Variants in ADGB observed in about 807,000 individuals in gnomAD.
ADGB encodes calpain-7-like protein.
A neutral mutation model predicts 210.5 loss-of-function variants in ADGB; 172 were observed. The observed-to-expected ratio is 0.82, with a 90% CI of 0.72 to 0.93. ADGB has a LOEUF of 0.93. Among genes scored for constraint, ADGB ranks in the 40% least tolerant of loss-of-function variants. The pLI is 0.00. For synonymous variants in ADGB, 658 were observed against 662.7 expected, an observed-to-expected ratio of 0.99 and a Z score of 0.11; for missense variants, 2,025 against 1,964.8, an observed-to-expected ratio of 1.03 and a Z score of -0.58.
chr6:146,688,835 G>A (rs941585532), intron 10 of ADGB, among the ~76,000 whole-genome samples: 2 of 152,126 alleles, frequency 1.3e-5, no homozygotes, highest in African/African-American at 4.8e-5. Flanking sequence ...ATGAAATTTT[G>A]TTAAATGGAG....
intron 29 of ADGB, chr6:146,770,300 T>C (rs1777631727): frequency 5.6e-6 from 1 of 179,440 alleles, no homozygotes; most frequent in Non-Finnish European, 1.2e-5. Context: ...AAAACTGTTA[T>C]TGCCAGGCTT....
rs765056786 is a variant in ADGB at position 146,702,044 on chromosome 6, G to GA, written c.1707+983dup. On this transcript the variant is annotated intron_variant, in intron 13 of 35. Transcript: ENST00000397944. The stretch of plus-strand genomic sequence containing the variant: ...TGCCTGTATTGACAAATTTGTAATT[G>GA]AAAAAAAAATGCTGAGTGTCAAACA... Among the ~76,000 whole-genome samples the GA allele has an allele frequency of 2.5e-4, 37 of 149,620 alleles. No homozygotes were observed. In the East Asian group the frequency reaches 3.3e-3, roughly 13 times the overall value.
intron 3 of ADGB, among the ~76,000 whole-genome samples, chr6:146,651,184 C>G (rs560612577): frequency 2.4e-4 from 36 of 152,316 alleles, no homozygotes; most frequent in African/African-American, 8.7e-4. Context: ...TGGGGACAAC[C>G]AGCCATGAGC....
At chr6:146,766,453 A>T (rs1306077561) in intron 28 of ADGB, among the ~76,000 whole-genome samples, 1 of 150,878 alleles carries the variant, frequency 6.6e-6, no homozygotes, top group Non-Finnish European at 1.5e-5. Context: ...ATTAAATTAA[A>T]TTAAATTAAA....
intron 33 of ADGB, among the ~76,000 whole-genome samples, chr6:146,799,684 G>C (rs1003774133): frequency 1.3e-5 from 2 of 151,998 alleles, no homozygotes; most frequent in African/African-American, 4.8e-5. Context: ...GTACCACTCT[G>C]GTAGGGGATG....
chr6:146,662,551 C>T (rs998507406), intron 5 of ADGB, among the ~76,000 whole-genome samples: 9 of 151,980 alleles, frequency 5.9e-5, no homozygotes, highest in African/African-American at 1.9e-4. Flanking sequence ...CTTGTTGGAA[C>T]ATTTTTGTGA....
intron 2 of ADGB, 147 bp downstream of exon 2, chr6:146,635,684 C>A: frequency 1.3e-6 from 1 of 776,164 alleles, no homozygotes; most frequent in Non-Finnish European, 1.9e-6. Flanking sequence ...CCCCACCTCC[C>A]AACACTCCCA....
chr6:146,800,103 C>T (rs1468684798), intron 33 of ADGB, among the ~76,000 whole-genome samples: 3 of 151,808 alleles, frequency 2.0e-5, no homozygotes, highest in Admixed American at 1.3e-4. Context: ...CCACCGCGCC[C>T]GGCCCTAAAA....
At chr6:146,605,207 T>C (rs1174611201) in intron 1 of ADGB, among the ~76,000 whole-genome samples, 1 of 152,148 alleles carries the variant, frequency 6.6e-6, no homozygotes, top group East Asian at 1.9e-4. Context: ...GGAATCAAGG[T>C]AGCAAGAAAT....
At chr6:146,735,485 T>C (rs1468100881) in intron 22 of ADGB, among the ~76,000 whole-genome samples, 2 of 152,176 alleles carry the variant, frequency 1.3e-5, no homozygotes, top group Non-Finnish European at 2.9e-5. Flanking sequence ...ACACACTCTT[T>C]CGATAATCAC....
intron 1 of ADGB, among the ~76,000 whole-genome samples, chr6:146,614,971 G>A (rs986427150): frequency 2.0e-5 from 3 of 152,176 alleles, no homozygotes; most frequent in Non-Finnish European, 4.4e-5. Flanking sequence ...CACGATCTCG[G>A]CTCCCTGCAG....
intron 29 of ADGB, among the ~76,000 whole-genome samples, chr6:146,781,658 A>G (rs1777801745): frequency 6.6e-6 from 1 of 152,154 alleles, no homozygotes. Context: ...AATAAAGATT[A>G]CAGCAGAGGT....
chr6:146,815,272 G>A lies in ADGB; in HGVS notation c.*55G>A. The A allele has an allele frequency of 7.5e-7, 1 of 1,328,324 alleles. No homozygotes were observed. Among genetic ancestry groups the A allele is most frequent in the Non-Finnish European group, 9.9e-7 (1 of 1,012,044 alleles). 82.3% of individuals were successfully genotyped at this position (1,328,324 alleles called of 1,614,324 possible). A position where few individuals can be genotyped will look rare whatever the true frequency, so the allele number is the denominator to read the frequency against. On this transcript the variant is annotated 3_prime_UTR_variant, in exon 36 of 36. Transcript: ENST00000397944. ...TGGAGAGAAAAAATCTATTTGTAAT[G>A]ATCTTTAACTGCCTGCTGTTAAGAT...
chr6:146,728,211 T>C (rs754115462), intron 19 of ADGB, among the ~76,000 whole-genome samples: 7 of 152,192 alleles, frequency 4.6e-5, no homozygotes, highest in Non-Finnish European at 8.8e-5. Flanking sequence ...CTCTTGTCTT[T>C]ATCTTTCTGG....
At chr6:146,785,826 T>C in intron 32 of ADGB, 114 bp downstream of exon 32, 1 of 766,824 alleles carries the variant, frequency 1.3e-6, no homozygotes, top group Non-Finnish European at 2.1e-6. Context: ...CAGAATCTCG[T>C]TTCTTGAGGA....
chr6:146,706,352 C>T (rs560004684), intron 13 of ADGB, among the ~76,000 whole-genome samples: 2 of 151,954 alleles, frequency 1.3e-5, no homozygotes, highest in African/African-American at 4.8e-5. Context: ...CTCTGCCTCC[C>T]AGGTTCAAGT....
chr6:146,735,856 C>A (rs1156802761), intron 22 of ADGB, among the ~76,000 whole-genome samples: 1 of 152,086 alleles, frequency 6.6e-6, no homozygotes. Flanking sequence ...GGCCTTATAG[C>A]AGTCAATGAA....
chr6:146,602,410 C>A (rs947514866), intron 1 of ADGB, among the ~76,000 whole-genome samples: 6 of 152,088 alleles, frequency 3.9e-5, no homozygotes, highest in African/African-American at 1.4e-4. Flanking sequence ...TGTTTAAAAC[C>A]ATGGTTTAAC....
chr6:146,728,047 C>T (rs995890204), intron 19 of ADGB, among the ~76,000 whole-genome samples: 4 of 152,288 alleles, frequency 2.6e-5, no homozygotes, highest in African/African-American at 9.6e-5. Flanking sequence ...CAGGACCACC[C>T]ACCGTACACC....
Sources: gnomAD v4.1 joint callset for allele counts (sites outside exome capture counted in the v4.1 genomes callset) on GRCh38, gnomAD v4.1.1 for gene constraint, MANE v1.5 for transcripts, NCBI Gene and HGNC (gene_info 2026-07-23, HGNC 2026-07-21) for gene names.